The following NOTCH2 variants were observed in gnomAD, a reference collection of about 807,000 sequenced individuals.
The protein encoded by NOTCH2 is notch receptor 2.
Under a neutral mutation model 235.8 loss-of-function variants are expected in NOTCH2, and 29 were observed. The ratio of observed to expected loss-of-function variants is 0.12; its 90% CI spans 0.09 to 0.17. The LOEUF (loss-of-function observed/expected upper bound fraction) is 0.17. Among genes scored for constraint, NOTCH2 ranks in the 10% least tolerant of loss-of-function variants. The pLI is 1.00. For missense variants in NOTCH2, 2,285 were observed against 3,150.2 expected, an observed-to-expected ratio of 0.73 and a Z score of 6.57; for synonymous variants, 1,086 against 1,141.5, an observed-to-expected ratio of 0.95 and a Z score of 0.98.
chr1:119,949,234 G>T (rs1650370565), intron 15 of NOTCH2, 108 bp from the exon 16 acceptor site: 1 of 1,183,820 alleles, frequency 8.4e-7, no homozygotes, highest in Non-Finnish European at 1.3e-6. Context: ...CTGATTAAGA[G>T]GCTTTGAAAA....
intron 14 of NOTCH2, among the ~76,000 whole-genome samples, chr1:119,951,502 T>C (rs1553197806): frequency 6.6e-6 from 1 of 152,140 alleles, no homozygotes; most frequent in Non-Finnish European, 1.5e-5. Context: ...ACATTTCTGG[T>C]CAGGAAAAGG....
At chr1:120,004,177 G>T (rs1198502148) in intron 3 of NOTCH2, among the ~76,000 whole-genome samples, 2 of 152,090 alleles carry the variant, frequency 1.3e-5, no homozygotes, top group Non-Finnish European at 1.5e-5. Context: ...CCAGGTGAGA[G>T]ATAACATGGC....
chr1:119,945,566 A>G (rs1650223608), intron 17 of NOTCH2, among the ~76,000 whole-genome samples: 2 of 152,146 alleles, frequency 1.3e-5, no homozygotes, highest in Admixed American at 6.5e-5. Context: ...TAGAGTAGCT[A>G]TATCAGTATC....
chr1:119,940,363 G>A (rs1650021117), intron 19 of NOTCH2, among the ~76,000 whole-genome samples, 192 bp downstream of exon 19: 1 of 152,118 alleles, frequency 6.6e-6, no homozygotes, highest in African/African-American at 2.4e-5. Flanking sequence ...TCTTATGTTT[G>A]TGAATCTATA....
chr1:119,983,024 C>G (rs1454727303), intron 5 of NOTCH2, among the ~76,000 whole-genome samples: 10 of 152,000 alleles, frequency 6.6e-5, no homozygotes, highest in African/African-American at 2.4e-4. Flanking sequence ...ATGAGAGTAA[C>G]AGATATAATT....
Position 119,926,490 on chromosome 1 carries a change from G to A in NOTCH2, c.4005+9C>T, listed in dbSNP as rs886043601. ...ATGCCCCTTCTTAGATGAGCAACAG[G>A]GCACTTACCGGGGGACAACGGCAAA... On this transcript the variant is annotated intron_variant, in intron 24 of 33. Coordinates refer to ENST00000256646, the MANE Select transcript of NOTCH2 (RefSeq NM_024408.4). 8.2e-6 allele frequency: 13 copies of A among 1,582,926 alleles called. No homozygotes were observed. Among genetic ancestry groups the A allele is most frequent in the Non-Finnish European group, 1.0e-5 (12 of 1,157,688 alleles).
intron 22 of NOTCH2, among the ~76,000 whole-genome samples, chr1:119,930,943 C>CA (rs1262298356): frequency 1.7e-4 from 24 of 145,114 alleles, no homozygotes; most frequent in Middle Eastern, 3.6e-3. Flanking sequence ...CTAAAAAATA[C>CA]AAAAAAAAAA....
chr1:119,965,676 C>G, intron 9 of NOTCH2, 110 bp from the exon 10 acceptor site: 2 of 826,252 alleles, frequency 2.4e-6, no homozygotes, highest in Admixed American at 1.7e-5. Context: ...GTCAATAAGC[C>G]TATGCTTTAT....
At chr1:120,004,833 T>C (rs1257800385) in intron 3 of NOTCH2, among the ~76,000 whole-genome samples, 1 of 152,216 alleles carries the variant, frequency 6.6e-6, no homozygotes, top group African/African-American at 2.4e-5. Flanking sequence ...AATGCAGTGG[T>C]GCGATCATAG....
At chr1:119,961,003 C>T (rs1650916059) in intron 11 of NOTCH2, among the ~76,000 whole-genome samples, 1 of 152,142 alleles carries the variant, frequency 6.6e-6, no homozygotes, top group Non-Finnish European at 1.5e-5. Context: ...TACAGAGGAA[C>T]AGTTTATTGA....
At chr1:119,970,467 A>G (rs1445918461) in intron 5 of NOTCH2, among the ~76,000 whole-genome samples, 1 of 152,216 alleles carries the variant, frequency 6.6e-6, no homozygotes, top group Non-Finnish European at 1.5e-5. Context: ...CCATACTTAA[A>G]GGATGGGGAT....
Position 119,913,037 on chromosome 1 carries a change from T to G in NOTCH2, c.*2269A>C, listed in dbSNP as rs750401706. The G allele has an allele frequency of 9.9e-5, 23 of 233,392 alleles. No homozygotes were observed. The highest frequency in any genetic ancestry group is 1.6e-4 in the Non-Finnish European group (19 of 118,192). 14.5% of individuals were successfully genotyped at this position (233,392 alleles called of 1,614,324 possible). A position where few individuals can be genotyped will look rare whatever the true frequency, so the allele number is the denominator to read the frequency against. Reference sequence around the variant, plus strand: ...TAGCTGATACTTTCAGAAGTGGGGCTGGAGCAGGAGGGCAGAAAGGGGCAG... The same window carrying G: ...TAGCTGATACTTTCAGAAGTGGGGCGGGAGCAGGAGGGCAGAAAGGGGCAG... On this transcript the variant is annotated 3_prime_UTR_variant, in exon 34 of 34. Transcript: ENST00000256646.
At chr1:119,935,849 G>A (rs1468212048) in intron 21 of NOTCH2, among the ~76,000 whole-genome samples, 2 of 152,202 alleles carry the variant, frequency 1.3e-5, no homozygotes, top group Non-Finnish European at 2.9e-5. Flanking sequence ...GGAAGGCAAG[G>A]ACTGAATACA....
chr1:120,064,901 T>C (rs1283332583), intron 1 of NOTCH2, among the ~76,000 whole-genome samples: 2 of 151,178 alleles, frequency 1.3e-5, no homozygotes, highest in Non-Finnish European at 2.9e-5. Context: ...AAAAATAGTA[T>C]TCCAAAAATG....
At position 119,923,713 on chromosome 1, in the gene NOTCH2, C is replaced by A; in HGVS notation, c.4783G>T (p.Glu1595Ter). The change falls in exon 26 of 34, where the codon GAG (glutamate) becomes TAG (stop). Residue 1595 changes from glutamate to a stop codon, truncating the protein, a stop_gained. Coordinates refer to ENST00000256646, the MANE Select transcript of NOTCH2 (RefSeq NM_024408.4). LOFTEE classifies it high-confidence loss of function. Reference protein sequence around the residue: ...GELMVYPYYGEKSAAMKKQRM... With the variant: ...GELMVYPYYG ...TGTTTCTTCATAGCAGCTGACTTCT[C>A]ACCATAATAGGGGTACACCATGAGT... 6.2e-7 allele frequency: 1 copy of A among 1,614,204 alleles called. No individual in the cohort carries two copies. The highest frequency in any genetic ancestry group is 8.5e-7 in the Non-Finnish European group (1 of 1,180,038).
chr1:119,970,481 T>C (rs1207855676), intron 5 of NOTCH2, among the ~76,000 whole-genome samples: 1 of 152,108 alleles, frequency 6.6e-6, no homozygotes, highest in Non-Finnish European at 1.5e-5. Flanking sequence ...TGGGGATTTG[T>C]GGAAGAAGAC....
intron 32 of NOTCH2, 51 bp from the exon 33 acceptor site, chr1:119,917,813 A>C (rs776038430): frequency 3.8e-5 from 41 of 1,082,484 alleles, no homozygotes; most frequent in Non-Finnish European, 5.6e-5. Flanking sequence ...TCTTAGTATA[A>C]GACACTATGA....
At position 119,916,554 on chromosome 1, in the gene NOTCH2, A is replaced by G. The variant is rs1201172310; in HGVS notation, c.6168T>C (p.His2056=). 3 of 1,614,126 alleles carry G rather than the reference A, an allele frequency of 1.9e-6. No individual in the cohort carries two copies. Among genetic ancestry groups the G allele is most frequent in the African/African-American group, 2.7e-5 (2 of 75,020 alleles). Residue 2056 remains histidine (H), a synonymous_variant, in exon 34 of 34, where the codon CAT becomes CAC. Coordinates refer to ENST00000256646, the MANE Select transcript of NOTCH2 (RefSeq NM_024408.4). ...ATTCATCCAGAAGGCGCACAATGTC[A>G]TGGTGCATGCGATCCCGAGCCACAT... is the stretch of plus-strand genomic sequence containing the variant. The part of the protein sequence containing the change: ...PRDVARDRMH[H]DIVRLLDEYN...
At chr1:119,932,707 TA>T (rs1180022329) in intron 22 of NOTCH2, among the ~76,000 whole-genome samples, 53 of 151,268 alleles carry the variant, frequency 3.5e-4, no homozygotes, top group Non-Finnish European at 6.8e-4. Flanking sequence ...TCCAATTAAG[TA>T]AAAAAAAATC....
Sources: gnomAD v4.1 joint callset for allele counts (sites outside exome capture counted in the v4.1 genomes callset) on GRCh38, gnomAD v4.1.1 for gene constraint, MANE v1.5 for transcripts, NCBI Gene and HGNC (gene_info 2026-07-23, HGNC 2026-07-21) for gene names.